ELF1: variants seen among roughly 807,000 people sequenced by gnomAD.
ELF1 encodes the protein E74 like ETS transcription factor 1.
A neutral mutation model predicts 59.9 loss-of-function variants in ELF1; 24 were observed. The ratio of observed to expected loss-of-function variants is 0.40; its 90% CI spans 0.29 to 0.56. The LOEUF is 0.56. ELF1 is among the 20% of genes least tolerant of loss of function. The pLI is 0.44. For missense variants in ELF1, 627 were observed against 742.2 expected (o/e 0.84, Z 1.80); for synonymous variants, 248 against 266.2 (o/e 0.93, Z 0.67).
At chr13:41,061,034 C>T (rs910183645) in exon 1 of ELF1, 15 of 206,096 alleles carry the variant, frequency 7.3e-5, no homozygotes, top group Non-Finnish European at 1.4e-4. Context: ...GGGGCCGCTC[C>T]GCTGCAACAG....
chr13:41,045,734 T>C (rs1876815888), intron 1 of ELF1, among the ~76,000 whole-genome samples: 1 of 152,150 alleles, frequency 6.6e-6, no homozygotes, highest in African/African-American at 2.4e-5. Flanking sequence ...TGCGATATGG[T>C]GCTGAGAAGA....
intron 1 of ELF1, among the ~76,000 whole-genome samples, chr13:41,046,466 G>T (rs1006668128): frequency 7.9e-5 from 12 of 152,290 alleles, no homozygotes; most frequent in South Asian, 6.2e-4. Context: ...AGGAGCTCTT[G>T]CAGCGCAGGC....
chr13:40,963,672 G>A (rs1259997990), intron 2 of ELF1, among the ~76,000 whole-genome samples: 1 of 152,228 alleles, frequency 6.6e-6, no homozygotes, highest in Non-Finnish European at 1.5e-5. Context: ...ACTTTGGGAG[G>A]CCGAGGCGGG....
intron 1 of ELF1, among the ~76,000 whole-genome samples, chr13:40,993,490 T>C (rs573387849): frequency 9.2e-4 from 140 of 152,230 alleles, no homozygotes; most frequent in African/African-American, 3.2e-3. Context: ...CTAGTTTTTA[T>C]TTATTTTTTA....
intron 2 of ELF1, among the ~76,000 whole-genome samples, chr13:40,977,133 G>T (rs573951710): frequency 3.9e-5 from 6 of 151,920 alleles, no homozygotes; most frequent in African/African-American, 1.4e-4. Context: ...AACTATGCCG[G>T]CTGTTCTTCA....
chr13:41,019,650 T>A (rs1875609972), upstream of ELF1, among the ~76,000 whole-genome samples: 1 of 149,330 alleles, frequency 6.7e-6, no homozygotes, highest in Non-Finnish European at 1.5e-5. Flanking sequence ...CAAATAAAAC[T>A]GTGAAAGGAA....
chr13:41,008,453 T>G (rs1050753308), intron 1 of ELF1, among the ~76,000 whole-genome samples: 2 of 152,198 alleles, frequency 1.3e-5, no homozygotes, highest in Non-Finnish European at 2.9e-5. Context: ...TTTGACTCTG[T>G]TGGCTTCTCA....
intron 7 of ELF1, among the ~76,000 whole-genome samples, chr13:40,942,498 T>C (rs913855455): frequency 3.3e-5 from 5 of 152,182 alleles, no homozygotes; most frequent in African/African-American, 1.2e-4. Context: ...TAACATATCA[T>C]ACTTGCAATT....
At chr13:40,999,016 G>A (rs1371913428) in intron 1 of ELF1, among the ~76,000 whole-genome samples, 1 of 152,184 alleles carries the variant, frequency 6.6e-6, no homozygotes, top group Non-Finnish European at 1.5e-5. Context: ...GAATAGTTTA[G>A]TTATGCTTAT....
exon 1 of ELF1, chr13:41,061,144 GT>G (rs1877596075): frequency 5.1e-6 from 1 of 195,114 alleles, no homozygotes; most frequent in Non-Finnish European, 1.1e-5. Flanking sequence ...ACAGGTCCCG[GT>G]TGCTCCGCTG....
intron 1 of ELF1, among the ~76,000 whole-genome samples, chr13:41,025,979 AC>A (rs1291790425): frequency 6.6e-6 from 1 of 152,270 alleles, no homozygotes; most frequent in African/African-American, 2.4e-5. Context: ...GGCCAAAAAT[AC>A]CTTCACTGTC....
At chr13:40,989,263 A>G (rs533761299) in intron 1 of ELF1, among the ~76,000 whole-genome samples, 1 of 152,228 alleles carries the variant, frequency 6.6e-6, no homozygotes, top group South Asian at 2.1e-4. Flanking sequence ...TGCTTTCTCT[A>G]AACCAGGTAC....
In ELF1 at chr13:40,941,194, C is replaced by T. The variant is rs140646954; in HGVS notation, c.983G>A (p.Arg328Gln). Residue 328 changes from arginine (R) to glutamine (Q), a missense_variant, in exon 8 of 9, where the codon CGG (arginine) becomes CAG (glutamine). This residue lies in a region of ELF1 where 361 missense variants were observed against 396.1 expected (regional missense o/e 0.91). Coordinates refer to ENST00000239882, the MANE Select transcript of ELF1 (RefSeq NM_172373.4). ...CCCTGGACTTGAAGATACTCTCGAC[C>T]GGCTGGTTTGATTCCTATTTGAAGT... is the stretch of plus-strand genomic sequence containing the variant. Reference protein sequence around the residue: ...SATSNRNQTSRSRVSSSPGVK... With the variant: ...SATSNRNQTSQSRVSSSPGVK... 6.1e-5 allele frequency: 99 copies of T among 1,614,158 alleles called. No homozygotes were observed. The highest frequency in any genetic ancestry group is 4.6e-4 in the South Asian group (42 of 91,082).
At chr13:40,939,205 T>C (rs1224587021) in intron 8 of ELF1, among the ~76,000 whole-genome samples, 1 of 152,022 alleles carries the variant, frequency 6.6e-6, no homozygotes, top group Admixed American at 6.6e-5. Context: ...GTCCCAGCTA[T>C]GAGGAAGGCT....
intron 5 of ELF1, among the ~76,000 whole-genome samples, chr13:40,945,582 A>AACT (rs1187450484): frequency 1.3e-5 from 2 of 152,178 alleles, no homozygotes; most frequent in African/African-American, 2.4e-5. Flanking sequence ...ATTGTAGCTG[A>AACT]ACTACTCAGG....
intron 1 of ELF1, among the ~76,000 whole-genome samples, chr13:41,026,373 C>T (rs777408045): frequency 6.6e-5 from 10 of 152,226 alleles, no homozygotes; most frequent in Non-Finnish European, 7.4e-5. Context: ...AGTGTTACTC[C>T]GGCCCAATTA....
Position 41,035,836 on chromosome 13 carries a change from T to TA in ELF1, c.-229+25001dup, listed in dbSNP as rs776051057. Among the ~76,000 whole-genome samples the TA allele has an allele frequency of 2.2e-3, 329 of 148,714 alleles. 2 individuals are homozygous for TA. The highest frequency in any genetic ancestry group is 0.012 in the East Asian group (62 of 5,126). On this transcript the variant is annotated intron_variant, in intron 1 of 1. Coordinates refer to the ELF1 transcript ENST00000405737. ...GCCTTTACTTAACACAACTTCTTGT[T>TA]AAAAAAAAAACAACAACAACAACAA...
At chr13:40,955,600 A>G (rs1486499459) in intron 3 of ELF1, among the ~76,000 whole-genome samples, 12 of 17,380 alleles carry the variant, frequency 6.9e-4, no homozygotes, top group East Asian at 3.6e-3. Context: ...GGTGAGGGGC[A>G]CCTCTGCCTG....
At chr13:40,950,389 C>T (rs1870778723) in intron 4 of ELF1, among the ~76,000 whole-genome samples, 1 of 152,236 alleles carries the variant, frequency 6.6e-6, no homozygotes, top group Non-Finnish European at 1.5e-5. Context: ...TACAAAGCTT[C>T]TGTAATCTAG....
Sources: gnomAD v4.1 joint callset for allele counts (sites outside exome capture counted in the v4.1 genomes callset) on GRCh38, gnomAD v4.1.1 for gene constraint, gnomAD v4.1.1 regional missense constraint, MANE v1.5 for transcripts, NCBI Gene and HGNC (gene_info 2026-07-23, HGNC 2026-07-21) for gene names.